The following ANKAR variants were observed in gnomAD, a reference collection of about 807,000 sequenced individuals.
ANKAR encodes the protein ankyrin and armadillo repeat containing, also known as ankyrin and armadillo repeat-containing protein.
In ANKAR, 136 loss-of-function variants were observed where a neutral mutation model predicts 146.2. That is an observed-to-expected ratio of 0.93 (90% CI 0.81 to 1.07). The LOEUF is 1.07. Among genes scored for constraint, ANKAR ranks in the 50% least tolerant of loss-of-function variants. The pLI, the probability that ANKAR is intolerant of heterozygous loss-of-function variation, is 0.00. For missense variants in ANKAR, 1,567 were observed against 1,679.9 expected, an observed-to-expected ratio of 0.93 and a Z score of 1.18; for synonymous variants, 500 against 575.8, an observed-to-expected ratio of 0.87 and a Z score of 1.88.
rs185227151 is a variant in ANKAR, at chr2:189,688,504, T to G, written c.602-1023T>G. 5.1e-3 allele frequency among the ~76,000 whole-genome samples: 774 copies of G among 152,316 alleles called. 4 individuals are homozygous for G. The highest frequency in any genetic ancestry group is 0.018 in the African/African-American group (728 of 41,570). ...TTCTATTTCTATGAAGAACAGTGAC[T>G]GCTATTTTGATATGGATTGCAATGA... On this transcript the variant is annotated intron_variant, in intron 2 of 22. Coordinates refer to ENST00000684021, the MANE Select transcript of ANKAR (RefSeq NM_001378068.1).
chr2:189,713,458 A>G (rs975199991), intron 10 of ANKAR, among the ~76,000 whole-genome samples: 6 of 152,224 alleles, frequency 3.9e-5, no homozygotes, highest in African/African-American at 1.2e-4. Context: ...AGTGGGGGCC[A>G]ATATTCAGCA....
intron 18 of ANKAR, chr2:189,752,550 A>G (rs1321217664): frequency 1.9e-6 from 2 of 1,069,458 alleles, no homozygotes; most frequent in African/African-American, 3.2e-5. Context: ...CTTTCCTTCA[A>G]GTACCACCAG....
rs1362295694 is a variant in ANKAR at position 189,727,725 on chromosome 2, C to A, written c.2636-131C>A. 5.1e-6 allele frequency: 6 copies of A among 1,177,710 alleles called. No homozygotes were observed. In the Admixed American group the frequency reaches 1.7e-4, roughly 34 times the overall value. 73.0% of individuals were successfully genotyped at this position (1,177,710 alleles called of 1,614,324 possible). Reference sequence around the variant, plus strand: ...TAAATCTAGCCAGTTTTGTTTATTTCTATTTTTCTTTATTTTCTCTAAGCT... The same window carrying A: ...TAAATCTAGCCAGTTTTGTTTATTTATATTTTTCTTTATTTTCTCTAAGCT... On this transcript the variant is annotated intron_variant, in intron 12 of 22. Coordinates refer to ENST00000684021, the MANE Select transcript of ANKAR (RefSeq NM_001378068.1).
chr2:189,749,456 T>A (rs2044753107), downstream of ANKAR, among the ~76,000 whole-genome samples: 1 of 151,340 alleles, frequency 6.6e-6, no homozygotes, highest in Admixed American at 6.6e-5. Flanking sequence ...ATATAGAGGG[T>A]TACATTCAAA....
chr2:189,727,245 AATACTC>A (rs1004852274), intron 12 of ANKAR, among the ~76,000 whole-genome samples: 5 of 152,186 alleles, frequency 3.3e-5, no homozygotes, highest in African/African-American at 9.6e-5. Context: ...TTTTAATGAT[AATACTC>A]ATACTCAAAC....
downstream of ANKAR, chr2:189,762,886 G>T (rs1000017156): frequency 3.0e-6 from 3 of 985,308 alleles, no homozygotes; most frequent in African/African-American, 5.2e-5. Context: ...GGCCGTCTTT[G>T]CCCAAAACGC....
intron 1 of ANKAR, chr2:189,675,917 A>T (rs1048216846): frequency 6.5e-6 from 1 of 153,158 alleles, no homozygotes; most frequent in Admixed American, 6.5e-5. Context: ...CTTTCTCTCT[A>T]TTGTTCCGTC....
chr2:189,705,337 C>T, intron 8 of ANKAR, 113 bp downstream of exon 8: 15 of 1,027,710 alleles, frequency 1.5e-5, no homozygotes, highest in Non-Finnish European at 2.1e-5. Flanking sequence ...TGGCTTGCCA[C>T]ACACACTGCC....
chr2:189,708,748 G>GA (rs974038640), intron 9 of ANKAR, among the ~76,000 whole-genome samples: 20 of 152,014 alleles, frequency 1.3e-4, no homozygotes, highest in Admixed American at 5.2e-4. Flanking sequence ...ATCTGTCTAG[G>GA]AAAAAAAATA....
chr2:189,730,683 T>C lies in ANKAR; in HGVS notation c.3300+82T>C, dbSNP rs952320317. The C allele has an allele frequency of 2.3e-5, 14 of 610,450 alleles. No individual in the cohort carries two copies. In the African/African-American group the frequency reaches 2.7e-4, roughly 12 times the overall value. 37.8% of individuals were successfully genotyped at this position (610,450 alleles called of 1,614,324 possible). A position where few individuals can be genotyped will look rare whatever the true frequency, so the allele number is the denominator to read the frequency against. On this transcript the variant is annotated intron_variant, in intron 16 of 22. Transcript: ENST00000684021. ...GAAAATTTTGTATCTTTATTCAAGT[T>C]CATAAACATAAAAATATTTAATCTT...
intron 12 of ANKAR, among the ~76,000 whole-genome samples, 197 bp from the exon 13 acceptor site, chr2:189,727,659 G>T (rs1420886323): frequency 6.6e-6 from 1 of 151,260 alleles, no homozygotes; most frequent in Non-Finnish European, 1.5e-5. Context: ...ATAAGAAATA[G>T]TACATGAGAT....
At chr2:189,737,314 T>C (rs116099734) in intron 17 of ANKAR, among the ~76,000 whole-genome samples, 5,369 of 152,242 alleles carry the variant, frequency 0.035, 108 homozygotes, top group South Asian at 0.069. Context: ...TTTTGCTGTT[T>C]GCCCAGCCTC....
Position 189,687,218 on chromosome 2 carries a change from G to A in ANKAR, c.602-2309G>A, listed in dbSNP as rs1164974788. Among the ~76,000 whole-genome samples the A allele has an allele frequency of 2.6e-5, 4 of 152,084 alleles. No individual in the cohort carries two copies. In the East Asian group the frequency reaches 7.7e-4, roughly 29 times the overall value. ...AGTTCCCACAAATAAGTGAGAATATGCAAAGTTTGTCTTTCTGTGCATGGC... is the reference window on the plus strand; with the variant it reads ...AGTTCCCACAAATAAGTGAGAATATACAAAGTTTGTCTTTCTGTGCATGGC... On this transcript the variant is annotated intron_variant, in intron 2 of 22. Coordinates refer to ENST00000684021, the MANE Select transcript of ANKAR (RefSeq NM_001378068.1).
At chr2:189,689,180 T>G (rs1333551421) in intron 2 of ANKAR, among the ~76,000 whole-genome samples, 1 of 152,198 alleles carries the variant, frequency 6.6e-6, no homozygotes, top group Non-Finnish European at 1.5e-5. Context: ...ACAAAGAGTC[T>G]GTTCTGTCAG....
At position 189,711,058 on chromosome 2, in the gene ANKAR, A is replaced by C. The variant is rs767273161; in HGVS notation, c.2129A>C (p.Gln710Pro). 1 of 1,612,680 alleles carries C rather than the reference A, an allele frequency of 6.2e-7. No homozygotes were observed. The highest frequency in any genetic ancestry group is 2.2e-5 in the East Asian group (1 of 44,848). ...PVWKTLVEML[Q>P]CESYKRRMMA... ...GTTGAACACTTAACAGAAATGTTAC[A>C]GTGTGAAAGCTATAAACGAAGGATG... The change falls in exon 10 of 23, where the codon CAG (glutamine) becomes CCG (proline). Residue 710 changes from glutamine to proline, a missense_variant. Coordinates refer to ENST00000684021, the MANE Select transcript of ANKAR (RefSeq NM_001378068.1).
At position 189,692,246 on chromosome 2, in the gene ANKAR, T is replaced by C. The variant is rs1192537670; in HGVS notation, c.1040-9T>C. ...CTTTTTAAATAAAAATTTGTTTTCA[T>C]TTTTGGAGATGACAAGGTCAAGACA... On this transcript the variant is annotated splice_polypyrimidine_tract_variant and intron_variant, in intron 3 of 22. Coordinates refer to ENST00000684021, the MANE Select transcript of ANKAR (RefSeq NM_001378068.1). 1 of 1,585,766 alleles carries C rather than the reference T, an allele frequency of 6.3e-7. No individual in the cohort carries two copies. The highest frequency in any genetic ancestry group is 8.5e-7 in the Non-Finnish European group (1 of 1,171,492).
At chr2:189,741,254 CT>C in intron 19 of ANKAR, 87 bp from the exon 20 acceptor site, 1 of 939,826 alleles carries the variant, frequency 1.1e-6, no homozygotes, top group Non-Finnish European at 1.5e-6. Context: ...GTGACACAAA[CT>C]TTTTTCAGTG....
chr2:189,733,063 A>G (rs1186306242), intron 16 of ANKAR, 44 bp from the exon 17 acceptor site: 22 of 1,567,692 alleles, frequency 1.4e-5, no homozygotes, highest in South Asian at 7.2e-5. Flanking sequence ...GTGTAATTTC[A>G]TAAAGCATAA....
chr2:189,701,233 A>G (rs1212284207), intron 7 of ANKAR, among the ~76,000 whole-genome samples: 1 of 149,302 alleles, frequency 6.7e-6, no homozygotes, highest in Non-Finnish European at 1.5e-5. Context: ...AGACTTTTTA[A>G]TTTATTTTTA....
Sources: gnomAD v4.1 joint callset for allele counts (sites outside exome capture counted in the v4.1 genomes callset) on GRCh38, gnomAD v4.1.1 for gene constraint, MANE v1.5 for transcripts, NCBI Gene and HGNC (gene_info 2026-07-23, HGNC 2026-07-21) for gene names.